Variants in TBCD observed in about 807,000 individuals in gnomAD.
The protein encoded by TBCD is tubulin-specific chaperone D.
Under a neutral mutation model 169.3 loss-of-function variants are expected in TBCD, and 105 were observed. That is an observed-to-expected ratio of 0.62 (90% CI 0.53 to 0.73). The LOEUF is 0.73. Ranked by LOEUF, TBCD falls within the 30% of genes least tolerant of loss-of-function variation. The probability of loss-of-function intolerance (pLI) is 0.00; values close to 1 mark genes in which losing one functional copy is unlikely to be tolerated. For missense variants in TBCD, 1,444 were observed against 1,600.1 expected, an observed-to-expected ratio of 0.90 and a Z score of 1.66; for synonymous variants, 700 against 643.9, an observed-to-expected ratio of 1.09 and a Z score of -1.32.
chr17:82,911,714 C>T (rs372783986), intron 22 of TBCD, 44 bp from the exon 23 acceptor site: 20 of 1,595,162 alleles, frequency 1.3e-5, no homozygotes, highest in Admixed American at 1.7e-5. Context: ...GTGTTTTATA[C>T]GTCAAGAGGT....
Position 82,752,319 on chromosome 17 carries a change from C to T in TBCD, c.126C>T (p.Arg42=). Residue 42 remains arginine (R), a synonymous_variant, in exon 1 of 39, where the codon CGC becomes CGT. Coordinates refer to ENST00000355528, the MANE Select transcript of TBCD (RefSeq NM_005993.5). ...CGGAGACCCGGGCGCTGCTGGGCCG[C>T]CTGCGGGAGGTGCACGGCGGCGGCG... ...ESAETRALLG[R]LREVHGGGAE... The T allele has an allele frequency of 6.8e-7, 1 of 1,479,764 alleles. No individual in the cohort carries two copies. Among genetic ancestry groups the T allele is most frequent in the Non-Finnish European group, 8.9e-7 (1 of 1,124,132 alleles). The allele number at this position is 1,479,764 out of a possible 1,614,324, so 91.7% of individuals were successfully genotyped here. A position where few individuals can be genotyped will look rare whatever the true frequency, so the allele number is the denominator to read the frequency against.
chr17:82,888,888 G>A (rs2058939229), intron 15 of TBCD, among the ~76,000 whole-genome samples: 1 of 152,212 alleles, frequency 6.6e-6, no homozygotes, highest in South Asian at 2.1e-4. Flanking sequence ...CCCTGGCCTC[G>A]CCCCTTGCTG....
chr17:82,836,030 C>T (rs764169718), intron 13 of TBCD, among the ~76,000 whole-genome samples: 2 of 152,344 alleles, frequency 1.3e-5, no homozygotes, highest in Admixed American at 6.5e-5. Context: ...TACAAGGCAC[C>T]GGGTCAAGGC....
At chr17:82,791,417 T>C (rs1468619331) in intron 7 of TBCD, among the ~76,000 whole-genome samples, 2 of 152,160 alleles carry the variant, frequency 1.3e-5, no homozygotes, top group Admixed American at 1.3e-4. Flanking sequence ...TTTTCTAGCA[T>C]CTTACCTCTG....
chr17:82,819,778 G>A (rs559931977), intron 13 of TBCD, among the ~76,000 whole-genome samples: 1 of 152,224 alleles, frequency 6.6e-6, no homozygotes, highest in South Asian at 2.1e-4. Context: ...TCAAATTCCA[G>A]GACTTTTCTT....
intron 11 of TBCD, among the ~76,000 whole-genome samples, chr17:82,808,498 TGG>T (rs1381981973): frequency 5.9e-5 from 1 of 16,900 alleles, no homozygotes; most frequent in African/African-American, 2.3e-4. Context: ...TGACAGGTGC[TGG>T]GGGGCGGGGA....
At chr17:82,783,003 C>T (rs914428233) in intron 7 of TBCD, among the ~76,000 whole-genome samples, 1 of 151,020 alleles carries the variant, frequency 6.6e-6, no homozygotes, top group African/African-American at 2.4e-5. Flanking sequence ...TCCGCGGCGT[C>T]GTCTTCCTGT....
intron 7 of TBCD, chr17:82,796,043 G>A (rs1021069473): frequency 2.0e-5 from 3 of 152,262 alleles, no homozygotes; most frequent in Non-Finnish European, 4.4e-5. Context: ...GTTCCCCACT[G>A]AGCTGGCCAG....
At chr17:82,795,049 C>G (rs892619627) in intron 7 of TBCD, among the ~76,000 whole-genome samples, 5 of 152,184 alleles carry the variant, frequency 3.3e-5, no homozygotes, top group African/African-American at 1.2e-4. Flanking sequence ...AGGCCAGTTA[C>G]AAGAGATGAT....
intron 14 of TBCD, among the ~76,000 whole-genome samples, chr17:82,882,124 G>A (rs980726014): frequency 3.3e-5 from 5 of 152,346 alleles, no homozygotes; most frequent in South Asian, 2.1e-4. Flanking sequence ...CAGCTTCTCC[G>A]AGGAAGTGCA....
intron 6 of TBCD, 117 bp from the exon 7 acceptor site, chr17:82,781,472 G>A (rs2048943736): frequency 2.3e-6 from 3 of 1,329,360 alleles, no homozygotes; most frequent in Non-Finnish European, 3.1e-6. Flanking sequence ...TGGCATCTTG[G>A]TGTAAGGGTG....
chr17:82,877,431 C>T (rs1398848877), intron 14 of TBCD, among the ~76,000 whole-genome samples: 7 of 152,062 alleles, frequency 4.6e-5, no homozygotes, highest in South Asian at 4.1e-4. Context: ...CTGCAATCTC[C>T]GCCTCCTGGG....
chr17:82,909,446 G>C (rs139486335), intron 22 of TBCD, 139 bp downstream of exon 22: 1 of 556,620 alleles, frequency 1.8e-6, no homozygotes, highest in Non-Finnish European at 3.4e-6. Context: ...CACCCGGCCC[G>C]CTGTGGGAGG....
At chr17:82,869,696 G>A (rs1383871117) in intron 13 of TBCD, among the ~76,000 whole-genome samples, 3 of 152,186 alleles carry the variant, frequency 2.0e-5, no homozygotes, top group South Asian at 2.1e-4. Flanking sequence ...AGCCGTGGCC[G>A]GCTTTGCATT....
intron 20 of TBCD, among the ~76,000 whole-genome samples, 194 bp from the exon 21 acceptor site, chr17:82,907,567 A>C (rs1211250434): frequency 6.6e-6 from 1 of 152,218 alleles, no homozygotes; most frequent in Non-Finnish European, 1.5e-5. Context: ...ATACAAAAAT[A>C]ATCGGAGGTA....
In TBCD at chr17:82,831,837, G is replaced by C; in HGVS notation, c.1318+16903G>C. 6.2e-7 allele frequency: 1 copy of C among 1,614,248 alleles called. No individual in the cohort carries two copies. Reference sequence around the variant, plus strand: ...GAAGGAAAGGTGAGCCGGCTTTCCAGGGGTAGCCAGGAGTGTGGAAGGCCG... The same window carrying C: ...GAAGGAAAGGTGAGCCGGCTTTCCACGGGTAGCCAGGAGTGTGGAAGGCCG... On this transcript the variant is annotated intron_variant, in intron 13 of 38. Transcript: ENST00000355528. This position sits in a 1 kb window ranked among gnomAD's most constrained non-coding sequence, Gnocchi z 4.6.
Position 82,941,433 on chromosome 17 carries a change from A to G in TBCD, c.3514A>G (p.Asn1172Asp). 6.2e-7 allele frequency: 1 copy of G among 1,601,964 alleles called. No individual in the cohort carries two copies. The highest frequency in any genetic ancestry group is 8.5e-7 in the Non-Finnish European group (1 of 1,176,398). Residue 1172 changes from asparagine (N) to aspartate (D), a missense_variant, in exon 38 of 39, where the codon AAC becomes GAC. Asn to Asp is a conservative substitution (Grantham distance 23). Transcript: ENST00000355528. ...GCTTGCAGTGGTGAGAGAGCAGCGC[A>G]ACCGTCTGTGTGACCTTCTGGGCGT... is the stretch of plus-strand genomic sequence containing the variant. ...AELAVVREQR[N>D]RLCDLLGVPR... is the part of the protein sequence containing the mutation.
intron 17 of TBCD, 66 bp downstream of exon 17, chr17:82,893,698 C>T: frequency 2.5e-6 from 3 of 1,209,004 alleles, no homozygotes; most frequent in South Asian, 1.4e-5. Context: ...CAGAAATCAG[C>T]TACCACCATT....
intron 13 of TBCD, among the ~76,000 whole-genome samples, chr17:82,848,031 C>G (rs984843282): frequency 6.6e-6 from 1 of 152,198 alleles, no homozygotes; most frequent in African/African-American, 2.4e-5. Context: ...CCTACCAAGG[C>G]CCCTCCAGGC....
Sources: allele counts gnomAD v4.1 joint callset (sites outside exome capture counted in the v4.1 genomes callset), GRCh38; gene constraint gnomAD v4.1.1; non-coding constraint Gnocchi (gnomAD v3.1); transcripts MANE v1.5; gene names NCBI Gene and HGNC (gene_info 2026-07-23, HGNC 2026-07-21).